Variants in APLP2 observed in about 807,000 individuals in gnomAD.
The protein encoded by APLP2 is CDEI box-binding protein.
Under a neutral mutation model 89.9 loss-of-function variants are expected in APLP2, and 53 were observed. The observed-to-expected ratio is 0.59, with a 90% CI of 0.47 to 0.74. The LOEUF (loss-of-function observed/expected upper bound fraction) is 0.74. Ranked by LOEUF, APLP2 falls within the 30% of genes least tolerant of loss-of-function variation. The pLI, the probability that APLP2 is intolerant of heterozygous loss-of-function variation, is 0.00. For synonymous variants in APLP2, 372 were observed against 348.6 expected (o/e 1.07, Z -0.75); for missense variants, 973 against 975.9 (o/e 1.00, Z 0.04).
In APLP2 at chr11:130,120,581, G is replaced by A. The variant is rs1005584843; in HGVS notation, c.404-125G>A. The A allele has an allele frequency of 7.1e-6, 5 of 700,792 alleles. No individual in the cohort carries two copies. In the African/African-American group the frequency reaches 8.7e-5, roughly 12 times the overall value. The allele number at this position is 700,792 out of a possible 1,614,324, so 43.4% of individuals were successfully genotyped here. A position where few individuals can be genotyped will look rare whatever the true frequency, so the allele number is the denominator to read the frequency against. ...CAGTCAGCCTTTGAAGGTACGAGAT[G>A]TGCATCTGCTCGTATACATGAGACT... On this transcript the variant is annotated intron_variant, in intron 3 of 16. Transcript: ENST00000338167.
In APLP2 at chr11:130,126,775, G is replaced by T; in HGVS notation, c.1166G>T (p.Arg389Leu). ...ETSADDNEHA[R>L]FQKAKEQLEI... Reference sequence around the variant, plus strand: ...TCTGCAGATGATAATGAGCATGCTCGCTTCCAGAAGGCTAAGGAGCAGCTG... The same window carrying T: ...TCTGCAGATGATAATGAGCATGCTCTCTTCCAGAAGGCTAAGGAGCAGCTG... Residue 389 changes from arginine (R) to leucine (L), a missense_variant, in exon 8 of 17, where the codon CGC (arginine) becomes CTC (leucine). Transcript: ENST00000338167. 6.2e-7 allele frequency: 1 copy of T among 1,614,192 alleles called. No individual in the cohort carries two copies. Among genetic ancestry groups the T allele is most frequent in the Non-Finnish European group, 8.5e-7 (1 of 1,180,026 alleles).
In APLP2 at chr11:130,123,662, C is replaced by T. The variant is rs576304274; in HGVS notation, c.973C>T (p.Arg325Cys). The T allele has an allele frequency of 8.1e-6, 13 of 1,614,266 alleles. No individual in the cohort carries two copies. Among genetic ancestry groups the T allele is most frequent in the Admixed American group, 3.3e-5 (2 of 60,028 alleles). The change falls in exon 7 of 17, where the codon CGT (arginine) becomes TGT (cysteine). Residue 325 changes from arginine to cysteine, a missense_variant. Coordinates refer to ENST00000338167, the MANE Select transcript of APLP2 (RefSeq NM_001142276.2). The surrounding 1 kb of genome is among the most constrained non-coding windows in gnomAD (Gnocchi z 4.0). ...GGGGCCCTGCCGGGCCGTGATGCCT[C>T]GTTGGTACTTCGACCTCTCCAAGGG... ...MTGPCRAVMPRWYFDLSKGKC... is the reference protein window; with the variant it reads ...MTGPCRAVMPCWYFDLSKGKC...
intron 10 of APLP2, among the ~76,000 whole-genome samples, chr11:130,129,514 C>A (rs1357647271): frequency 6.6e-6 from 1 of 152,158 alleles, no homozygotes; most frequent in African/African-American, 2.4e-5. Context: ...TGAAAACATG[C>A]TATTCATGAA....
chr11:130,114,355 C>G (rs1388398635), intron 3 of APLP2: 2 of 152,140 alleles, frequency 1.3e-5, no homozygotes, highest in Non-Finnish European at 2.9e-5. Flanking sequence ...TATAGAATGC[C>G]TTGCAATTTG....
intron 1 of APLP2, among the ~76,000 whole-genome samples, chr11:130,092,549 G>A (rs1354349886): frequency 6.8e-6 from 1 of 147,098 alleles, no homozygotes; most frequent in Non-Finnish European, 1.5e-5. Context: ...GCGAAACCCC[G>A]TCTCCACCAA....
intron 1 of APLP2, among the ~76,000 whole-genome samples, chr11:130,083,502 C>T (rs907448751): frequency 6.6e-6 from 1 of 152,090 alleles, no homozygotes; most frequent in East Asian, 1.9e-4. Context: ...CTGTTTTTTC[C>T]TCCCTTCAGC....
At position 130,122,443 on chromosome 11, in the gene APLP2, TGAG is replaced by T; in HGVS notation, c.856_858del (p.Glu286del). ...ACACCTTCAAAGGAGATGACTACAA[TGAG>T]GAGAATCCTACTGAACCCGGCAGCG... On this transcript the variant is annotated inframe_deletion, in exon 6 of 17. Coordinates refer to ENST00000338167, the MANE Select transcript of APLP2 (RefSeq NM_001142276.2). The T allele has an allele frequency of 6.2e-7, 1 of 1,614,122 alleles. No homozygotes were observed. The highest frequency in any genetic ancestry group is 2.2e-5 in the East Asian group (1 of 44,888).
chr11:130,138,325 C>T (rs1198663268), intron 13 of APLP2, among the ~76,000 whole-genome samples: 1 of 151,368 alleles, frequency 6.6e-6, no homozygotes, highest in Non-Finnish European at 1.5e-5. Flanking sequence ...CGTGTAGATG[C>T]TTTATTTTAT....
In APLP2 at chr11:130,123,692, T is replaced by C; in HGVS notation, c.1003T>C (p.Cys335Arg). The C allele has an allele frequency of 6.2e-7, 1 of 1,614,272 alleles. No homozygotes were observed. The highest frequency in any genetic ancestry group is 8.5e-7 in the Non-Finnish European group (1 of 1,180,050). Residue 335 changes from cysteine (C) to arginine (R), a missense_variant, in exon 7 of 17, where the codon TGC becomes CGC. By Grantham distance (180) the Cys-to-Arg change is radical. Coordinates refer to ENST00000338167, the MANE Select transcript of APLP2 (RefSeq NM_001142276.2). This position sits in a 1 kb window ranked among gnomAD's most constrained non-coding sequence, Gnocchi z 4.0. ...GTACTTCGACCTCTCCAAGGGAAAG[T>C]GCGTGCGCTTTATATATGGTGGCTG... Reference protein sequence around the residue: ...RWYFDLSKGKCVRFIYGGCGG... With the variant: ...RWYFDLSKGKRVRFIYGGCGG...
chr11:130,143,106 G>C lies in APLP2; in HGVS notation c.2155-241G>C, dbSNP rs975918526. Among the ~76,000 whole-genome samples, 7 of 152,198 alleles carry C rather than the reference G, an allele frequency of 4.6e-5. No homozygotes were observed. In the East Asian group the frequency reaches 1.3e-3, roughly 29 times the overall value. On this transcript the variant is annotated intron_variant, in intron 16 of 16. Transcript: ENST00000338167. ...ACGGTGCTAGGAAATCCAGTTGACT[G>C]TCATCTTCCGTGAGGGCTAAGCTTT...
chr11:130,142,106 G>A (rs778681363), intron 16 of APLP2, 32 bp downstream of exon 16: 100 of 1,583,322 alleles, frequency 6.3e-5, no homozygotes, highest in Non-Finnish European at 8.4e-5. Flanking sequence ...GGCCTGCTCT[G>A]CACTGTGGGC....
In APLP2 at chr11:130,129,621, T is replaced by C. The variant is rs149055742; in HGVS notation, c.1455+415T>C. 3.5e-3 allele frequency among the ~76,000 whole-genome samples: 530 copies of C among 152,340 alleles called. 1 individual carries two copies. The highest frequency in any genetic ancestry group is 0.012 in the African/African-American group (507 of 41,566). On this transcript the variant is annotated intron_variant, in intron 10 of 16. Coordinates refer to ENST00000338167, the MANE Select transcript of APLP2 (RefSeq NM_001142276.2). ...GTGTGAGTGGTCTCAAATGATTTTG[T>C]CCCTTAACACTAACCTGCCTTGCTT... is the stretch of plus-strand genomic sequence containing the variant.
chr11:130,138,876 G>A (rs1391710844), intron 13 of APLP2: 1 of 151,790 alleles, frequency 6.6e-6, no homozygotes, highest in Non-Finnish European at 1.5e-5. Context: ...TGGGATTATA[G>A]GCATGAGCCA....
chr11:130,117,310 G>T (rs1382356266), intron 3 of APLP2, among the ~76,000 whole-genome samples: 1 of 152,162 alleles, frequency 6.6e-6, no homozygotes, highest in Non-Finnish European at 1.5e-5. Context: ...TTCCGAAAAG[G>T]TTTTGATTTT....
In APLP2 at chr11:130,121,622, G is replaced by T; in HGVS notation, c.525G>T (p.Leu175=). ...CTGTGGGTTTCTTTTAGGCATGTCT[G>T]ACTCAGGGAATGACCTTATATAGCT... ...HWHTVVKEAC[L]TQGMTLYSYG... is the part of the protein sequence containing the mutation. The change falls in exon 5 of 17, where the codon CTG becomes CTT. Residue 175 remains leucine (L), a synonymous_variant. Coordinates refer to ENST00000338167, the MANE Select transcript of APLP2 (RefSeq NM_001142276.2). The T allele has an allele frequency of 6.2e-7, 1 of 1,612,968 alleles. No homozygotes were observed. The highest frequency in any genetic ancestry group is 1.1e-5 in the South Asian group (1 of 90,950).
At chr11:130,078,598 T>G (rs1016007290) in intron 1 of APLP2, among the ~76,000 whole-genome samples, 2 of 152,228 alleles carry the variant, frequency 1.3e-5, no homozygotes, top group Non-Finnish European at 2.9e-5. Flanking sequence ...TTTATTTTTT[T>G]GCCTTTCGCT....
intron 1 of APLP2, among the ~76,000 whole-genome samples, chr11:130,093,830 G>A (rs1201927912): frequency 2.7e-5 from 4 of 149,590 alleles, no homozygotes; most frequent in East Asian, 2.0e-4. Flanking sequence ...CGCAACCTCC[G>A]CCTCCCTGGT....
intron 12 of APLP2, among the ~76,000 whole-genome samples, chr11:130,134,816 C>T (rs1257342724): frequency 2.0e-5 from 3 of 151,980 alleles, no homozygotes; most frequent in South Asian, 4.1e-4. Context: ...GTTGGGGGAG[C>T]GGCATCAAGA....
At chr11:130,070,564 C>G (rs1940791602) in intron 1 of APLP2, 3 of 1,292,560 alleles carry the variant, frequency 2.3e-6, no homozygotes, top group South Asian at 2.3e-5. Context: ...CGGCGGGCTT[C>G]GCCTTTGTTG....
Sources: allele counts gnomAD v4.1 joint callset (sites outside exome capture counted in the v4.1 genomes callset), GRCh38; gene constraint gnomAD v4.1.1; non-coding constraint Gnocchi (gnomAD v3.1); transcripts MANE v1.5; gene names NCBI Gene and HGNC (gene_info 2026-07-23, HGNC 2026-07-21).